Variants in FAM13C observed in about 807,000 individuals in gnomAD.
FAM13C encodes protein FAM13C.
A neutral mutation model predicts 73.2 loss-of-function variants in FAM13C; 37 were observed. The ratio of observed to expected loss-of-function variants is 0.51; its 90% CI spans 0.39 to 0.67. The LOEUF (loss-of-function observed/expected upper bound fraction) is 0.67, where lower values mean the gene tolerates loss of function less well. Ranked by LOEUF, FAM13C falls within the 30% of genes least tolerant of loss-of-function variation. The pLI is 0.00. For synonymous variants in FAM13C, 246 were observed against 260.9 expected, an observed-to-expected ratio of 0.94 and a Z score of 0.55; for missense variants, 589 against 715.6, an observed-to-expected ratio of 0.82 and a Z score of 2.02.
chr10:59,310,543 A>T (rs1292129622), intron 4 of FAM13C, among the ~76,000 whole-genome samples: 3 of 152,188 alleles, frequency 2.0e-5, no homozygotes, highest in Non-Finnish European at 4.4e-5. Flanking sequence ...CTGAGGTCAA[A>T]TATTAAGCAG....
intron 4 of FAM13C, among the ~76,000 whole-genome samples, chr10:59,314,296 C>G (rs73300167): frequency 0.12 from 18,819 of 152,168 alleles, 1,237 homozygotes; most frequent in South Asian, 0.16. Context: ...CTTCCGAGCC[C>G]CTGCTGTGGG....
At chr10:59,320,267 T>A (rs1310907671) in intron 4 of FAM13C, among the ~76,000 whole-genome samples, 2 of 152,186 alleles carry the variant, frequency 1.3e-5, no homozygotes, top group African/African-American at 4.8e-5. Flanking sequence ...CAAAATAGTT[T>A]AACTTTGTAC....
rs756727034 is a variant in FAM13C at position 59,302,878 on chromosome 10, A to G, written c.444-14T>C. On this transcript the variant is annotated splice_polypyrimidine_tract_variant and intron_variant, in intron 4 of 13. Coordinates refer to ENST00000618804, the MANE Select transcript of FAM13C (RefSeq NM_198215.4). Reference sequence around the variant, plus strand: ...CTCTGGTCTATTCTATAAAATACAAAGAAAAATTATTTCCATTTAAAAGAA... The same window carrying G: ...CTCTGGTCTATTCTATAAAATACAAGGAAAAATTATTTCCATTTAAAAGAA... 7.5e-6 allele frequency: 12 copies of G among 1,609,724 alleles called. No homozygotes were observed. Among genetic ancestry groups the G allele is most frequent in the Non-Finnish European group, 9.3e-6 (11 of 1,178,552 alleles).
chr10:59,355,098 G>T (rs189142363), intron 2 of FAM13C, among the ~76,000 whole-genome samples: 1 of 152,238 alleles, frequency 6.6e-6, no homozygotes, highest in Admixed American at 6.5e-5. Flanking sequence ...TGGGCTGTTT[G>T]ATTCTTCTAA....
At chr10:59,287,033 C>CA (rs1202727571) in intron 5 of FAM13C, among the ~76,000 whole-genome samples, 1,754 of 38,478 alleles carry the variant, frequency 0.046, 105 homozygotes, top group African/African-American at 0.11. Context: ...GACTCCATCT[C>CA]AAAAAAAAAA....
intron 10 of FAM13C, among the ~76,000 whole-genome samples, chr10:59,260,735 C>T (rs776134720): frequency 6.6e-5 from 10 of 152,236 alleles, no homozygotes; most frequent in African/African-American, 1.4e-4. Context: ...CCAATGGCTT[C>T]GATATCTTTT....
At chr10:59,338,521 C>T (rs1853058782) in intron 3 of FAM13C, among the ~76,000 whole-genome samples, 1 of 152,222 alleles carries the variant, frequency 6.6e-6, no homozygotes, top group African/African-American at 2.4e-5. Context: ...AACTAACATC[C>T]TGCACAAAGC....
chr10:59,330,789 G>A (rs1455699150), intron 3 of FAM13C, among the ~76,000 whole-genome samples: 1 of 152,078 alleles, frequency 6.6e-6, no homozygotes, highest in East Asian at 1.9e-4. Context: ...GCTCCAAACA[G>A]CAAAAAGCAT....
At chr10:59,282,691 AGT>A (rs1169887665) in intron 6 of FAM13C, 1 of 152,204 alleles carries the variant, frequency 6.6e-6, no homozygotes, top group Non-Finnish European at 1.5e-5. Context: ...TATATAAATC[AGT>A]GTTTCTTTCC....
chr10:59,271,301 T>G (rs549972179), intron 6 of FAM13C, among the ~76,000 whole-genome samples: 21 of 152,362 alleles, frequency 1.4e-4, no homozygotes, highest in African/African-American at 5.0e-4. Context: ...TGAATCTTAA[T>G]CAGATTTAGA....
rs553114215 is a variant in FAM13C at position 59,302,628 on chromosome 10, C to T, written c.507+173G>A. On this transcript the variant is annotated intron_variant, in intron 5 of 13. Transcript: ENST00000618804. ...CAAACAGTATTTTAAATGTTTGCTC[C>T]GGAAAAAGGAAAAACATTACCAATT... is the stretch of plus-strand genomic sequence containing the variant. Among the ~76,000 whole-genome samples the T allele has an allele frequency of 1.7e-3, 251 of 152,110 alleles. 3 individuals carry two copies. The highest frequency in any genetic ancestry group is 5.9e-3 in the African/African-American group (243 of 41,496).
chr10:59,309,063 A>G (rs76563809), intron 4 of FAM13C, among the ~76,000 whole-genome samples: 1,906 of 152,334 alleles, frequency 0.013, 39 homozygotes, highest in African/African-American at 0.044. Flanking sequence ...TAGCAGAGGA[A>G]AGTGTTTCCT....
chr10:59,301,198 A>G (rs1847558057), intron 5 of FAM13C: 2 of 152,236 alleles, frequency 1.3e-5, no homozygotes, highest in South Asian at 4.1e-4. Context: ...AATTTTGGCC[A>G]TAACAGAAAC....
intron 4 of FAM13C, among the ~76,000 whole-genome samples, chr10:59,321,367 A>G (rs1227941342): frequency 6.6e-6 from 1 of 151,552 alleles, no homozygotes; most frequent in Non-Finnish European, 1.5e-5. Context: ...GGAAACTGGA[A>G]AAGGTATGGA....
chr10:59,332,573 A>T (rs1482983497), intron 3 of FAM13C, among the ~76,000 whole-genome samples: 6 of 152,218 alleles, frequency 3.9e-5, no homozygotes, highest in Admixed American at 6.5e-5. Flanking sequence ...CAAGACAATA[A>T]AAGAAACATT....
intron 13 of FAM13C, among the ~76,000 whole-genome samples, chr10:59,250,579 G>C (rs952953371): frequency 6.6e-6 from 1 of 152,156 alleles, no homozygotes; most frequent in Admixed American, 6.5e-5. Context: ...AGTAGACCAC[G>C]CATGAGAGTT....
chr10:59,315,047 T>C (rs192758237), intron 4 of FAM13C, among the ~76,000 whole-genome samples: 12 of 152,304 alleles, frequency 7.9e-5, no homozygotes, highest in African/African-American at 2.6e-4. Context: ...CTAATAGTCA[T>C]GTCTGTCCCA....
In FAM13C at chr10:59,293,106, T is replaced by G. The variant is rs12252047; in HGVS notation, c.508-9659A>C. 4.2e-3 allele frequency among the ~76,000 whole-genome samples: 553 copies of G among 130,216 alleles called. 2 individuals are homozygous for G. Among genetic ancestry groups the G allele is most frequent in the African/African-American group, 0.015 (510 of 33,852 alleles). 85.4% of individuals were successfully genotyped at this position (130,216 alleles called of 152,430 possible). ...TTTTTTTTTTTGAGACGGAGTCTCA[T>G]TCTGTTGCCCAGGATGGAGTGCAGT... is the stretch of plus-strand genomic sequence containing the variant. On this transcript the variant is annotated intron_variant, in intron 5 of 13. Coordinates refer to ENST00000618804, the MANE Select transcript of FAM13C (RefSeq NM_198215.4).
In FAM13C at chr10:59,344,822, A is replaced by T. The variant is rs150108515; in HGVS notation, c.324+7448T>A. ...TTACCACATCACTAAACTGATACTC[A>T]ACTATTTATCTCTGGAGTTTATTAA... On this transcript the variant is annotated intron_variant, in intron 3 of 13. Coordinates refer to ENST00000618804, the MANE Select transcript of FAM13C (RefSeq NM_198215.4). 4.3e-3 allele frequency among the ~76,000 whole-genome samples: 656 copies of T among 152,196 alleles called. 4 individuals are homozygous for T. The highest frequency in any genetic ancestry group is 0.015 in the African/African-American group (634 of 41,506).
Sources: gnomAD v4.1 joint callset for allele counts (sites outside exome capture counted in the v4.1 genomes callset) on GRCh38, gnomAD v4.1.1 for gene constraint, MANE v1.5 for transcripts, NCBI Gene and HGNC (gene_info 2026-07-23, HGNC 2026-07-21) for gene names.